Variants in ATG2A observed in about 807,000 individuals in gnomAD.
The protein encoded by ATG2A is autophagy-related protein 2 homolog A.
ATG2A carries 103 observed loss-of-function variants against 214.2 expected under a neutral mutation model. That is an observed-to-expected ratio of 0.48 (90% CI 0.41 to 0.57). The LOEUF (loss-of-function observed/expected upper bound fraction) is 0.57. Ranked by LOEUF, ATG2A falls within the 20% of genes least tolerant of loss-of-function variation. The pLI, the probability that ATG2A is intolerant of heterozygous loss-of-function variation, is 0.00. For synonymous variants in ATG2A, 1,160 were observed against 1,142.1 expected (o/e 1.02, Z -0.32); for missense variants, 2,312 against 2,613.2 (o/e 0.88, Z 2.51).
At chr11:64,914,574 C>T (rs1944907942) in intron 1 of ATG2A, 74 bp from the exon 2 acceptor site, 3 of 1,548,018 alleles carry the variant, frequency 1.9e-6, no homozygotes, top group African/African-American at 2.7e-5. Context: ...CTTATCTGGC[C>T]ATAGTGCCTT....
rs1164506409 is a variant in ATG2A at position 64,896,806 on chromosome 11, C to G, written c.5214G>C (p.Lys1738Asn). The stretch of plus-strand genomic sequence containing the variant: ...CTCCCAGCAGGCCGGGCAGCTGGTT[C>G]TTGCGGATGTCCTGCAGCCACTCGT... ...ALNEWLQDIR[K>N]NQLPGLLGGV... Residue 1738 changes from lysine (K) to asparagine (N), a missense_variant, in exon 38 of 41, where the codon AAG (lysine) becomes AAC (asparagine). Lys to Asn is a moderately conservative substitution (Grantham distance 94). Transcript: ENST00000377264. 6 of 1,614,184 alleles carry G rather than the reference C, an allele frequency of 3.7e-6. No homozygotes were observed. Among genetic ancestry groups the G allele is most frequent in the Non-Finnish European group, 5.1e-6 (6 of 1,180,040 alleles).
Position 64,902,679 on chromosome 11 carries a change from C to T in ATG2A, c.3614G>A (p.Ser1205Asn). 1 of 1,606,540 alleles carries T rather than the reference C, an allele frequency of 6.2e-7. No individual in the cohort carries two copies. Among genetic ancestry groups the T allele is most frequent in the Non-Finnish European group, 8.5e-7 (1 of 1,177,356 alleles). The change falls in exon 27 of 41, where the codon AGC (serine) becomes AAC (asparagine). Residue 1205 changes from serine (S) to asparagine (N), a missense_variant and splice_region_variant. Ser to Asn is a conservative substitution (Grantham distance 46). Coordinates refer to ENST00000377264, the MANE Select transcript of ATG2A (RefSeq NM_015104.3). ...TWKGSTEGKL[S>N]QPLFELRCSN... is the part of the protein sequence containing the mutation. ...GCAGCGCAGCTCGAATAGTGGCTGG[C>T]TCTGCAGGGGCGGGGTGGGGGGAGC... is the stretch of plus-strand genomic sequence containing the variant.
chr11:64,908,026 T>G, intron 16 of ATG2A, 136 bp from the exon 17 acceptor site: 1 of 1,061,532 alleles, frequency 9.4e-7, no homozygotes, highest in African/African-American at 1.6e-5. Context: ...TGGGGATGCA[T>G]GATAGCCGTA....
chr11:64,912,529 A>C (rs1944815967), intron 6 of ATG2A, 106 bp from the exon 7 acceptor site: 11 of 933,690 alleles, frequency 1.2e-5, no homozygotes, highest in South Asian at 5.2e-5. Context: ...CTGGCTACCA[A>C]ACTAAACTCT....
rs1255448408 is a variant in ATG2A, at chr11:64,912,228, T to C, written c.944A>G (p.Lys315Arg). 1.2e-6 allele frequency: 2 copies of C among 1,613,240 alleles called. No individual in the cohort carries two copies. Among genetic ancestry groups the C allele is most frequent in the Admixed American group, 1.7e-5 (1 of 59,976 alleles). ...SLTDHEGLAD[K>R]LNKSRPLGAE... is the part of the protein sequence containing the mutation. ...ACCTAGCGGGCGGCTCTTGTTCAGC[T>C]TGTCAGCCAGGCCCTCGTGGTCTGC... Residue 315 changes from lysine to arginine, a missense_variant, in exon 8 of 41, where the codon AAG becomes AGG. Physicochemically the swap from Lys to Arg is conservative, Grantham distance 26. Coordinates refer to ENST00000377264, the MANE Select transcript of ATG2A (RefSeq NM_015104.3).
At chr11:64,909,977 C>T in intron 13 of ATG2A, 53 bp from the exon 14 acceptor site, 1 of 1,570,164 alleles carries the variant, frequency 6.4e-7, no homozygotes, top group Non-Finnish European at 8.6e-7. Flanking sequence ...CCACTGTGAC[C>T]AAGAGCCGAA....
In ATG2A at chr11:64,910,857, C is replaced by T. The variant is rs565394394; in HGVS notation, c.1564G>A (p.Val522Met). The change falls in exon 11 of 41, where the codon GTG becomes ATG. Residue 522 changes from valine to methionine, a missense_variant. Physicochemically the swap from Val to Met is conservative, Grantham distance 21. Transcript: ENST00000377264. ...SMEVHFGQLEVLECLWPRGTS... is the reference protein window; with the variant it reads ...SMEVHFGQLEMLECLWPRGTS... ...CCCCGGGGCCACAGACACTCCAGCA[C>T]CTCCAGCTGCCCGAAGTGCACTTCC... 7 of 1,608,720 alleles carry T rather than the reference C, an allele frequency of 4.4e-6. No homozygotes were observed. The highest frequency in any genetic ancestry group is 2.5e-6 in the Non-Finnish European group (3 of 1,178,136).
Position 64,907,346 on chromosome 11 carries a change from G to A in ATG2A, c.2741C>T (p.Ala914Val). 6.4e-7 allele frequency: 1 copy of A among 1,555,504 alleles called. No individual in the cohort carries two copies. The highest frequency in any genetic ancestry group is 8.7e-7 in the Non-Finnish European group (1 of 1,149,606). Residue 914 changes from alanine to valine, a missense_variant, in exon 19 of 41, where the codon GCC (alanine) becomes GTC (valine). Transcript: ENST00000377264. Reference sequence around the variant, plus strand: ...CAAGTGAAGACTTGGGGCCTCAGGGGCAGCGGCCTGTGGGCCACCTGATGC... The same window carrying A: ...CAAGTGAAGACTTGGGGCCTCAGGGACAGCGGCCTGTGGGCCACCTGATGC... ...VGASGGPQAAAPEAPSLHLQS... is the reference protein window; with the variant it reads ...VGASGGPQAAVPEAPSLHLQS...
In ATG2A at chr11:64,907,371, C is replaced by A; in HGVS notation, c.2716G>T (p.Ala906Ser). The part of the protein sequence containing the change: ...DEDAHFFSVG[A>S]SGGPQAAAPE... Reference sequence around the variant, plus strand: ...GCAGCGGCCTGTGGGCCACCTGATGCCCCCACTGAGAAGAAGTGGGCATCC... The same window carrying A: ...GCAGCGGCCTGTGGGCCACCTGATGACCCCACTGAGAAGAAGTGGGCATCC... The change falls in exon 19 of 41, where the codon GCA (alanine) becomes TCA (serine). Residue 906 changes from alanine (A) to serine (S), a missense_variant. Physicochemically the swap from Ala to Ser is moderately conservative, Grantham distance 99. Coordinates refer to ENST00000377264, the MANE Select transcript of ATG2A (RefSeq NM_015104.3). 3 of 1,562,602 alleles carry A rather than the reference C, an allele frequency of 1.9e-6. No homozygotes were observed. Among genetic ancestry groups the A allele is most frequent in the Non-Finnish European group, 2.6e-6 (3 of 1,153,758 alleles).
Position 64,910,601 on chromosome 11 carries a change from GA to G in ATG2A, c.1707+14del. ...GCCATGGGGACAGCCTGGTGGCCTG[GA>G]GCGGGTGGGTTACCTTAGGCACACG... On this transcript the variant is annotated intron_variant, in intron 12 of 40. Transcript: ENST00000377264. The G allele has an allele frequency of 6.3e-7, 1 of 1,585,766 alleles. No homozygotes were observed.
rs756185517 is a variant in ATG2A, at chr11:64,897,901, C to T, written c.4932G>A (p.Ser1644=). ...GQAEGVETTG[S]QEAPGGGHSP... ...TGTGTCCACCTCCTGGGGCCTCCTG[C>T]GAACCAGTGGTCTCTACGCCTTCGG... Residue 1644 remains serine, a synonymous_variant, in exon 35 of 41, where the codon TCG becomes TCA. Transcript: ENST00000377264. 1.3e-5 allele frequency: 21 copies of T among 1,565,688 alleles called. No homozygotes were observed. Among genetic ancestry groups the T allele is most frequent in the East Asian group, 6.7e-5 (3 of 44,504 alleles).
chr11:64,908,893 G>A (rs902941725), intron 16 of ATG2A, 98 bp downstream of exon 16: 18 of 1,417,476 alleles, frequency 1.3e-5, no homozygotes, highest in South Asian at 2.6e-5. Flanking sequence ...CCAGGTGGTC[G>A]TGCTGCCCTG....
At position 64,901,813 on chromosome 11, in the gene ATG2A, A is replaced by C. The variant is rs1397003311; in HGVS notation, c.4119+149T>G. ...CTCCCTAGGGTGGCACAGACCTAGCACCACCCCCGAGGTGATGGCAACCAC... is the reference window on the plus strand; with the variant it reads ...CTCCCTAGGGTGGCACAGACCTAGCCCCACCCCCGAGGTGATGGCAACCAC... On this transcript the variant is annotated intron_variant, in intron 29 of 40. Coordinates refer to ENST00000377264, the MANE Select transcript of ATG2A (RefSeq NM_015104.3). 7 of 855,758 alleles carry C rather than the reference A, an allele frequency of 8.2e-6. No homozygotes were observed. Among genetic ancestry groups the C allele is most frequent in the Admixed American group, 6.7e-5 (3 of 44,926 alleles). 53.0% of individuals were successfully genotyped at this position (855,758 alleles called of 1,614,324 possible).
At position 64,909,893 on chromosome 11, in the gene ATG2A, G is replaced by A. The variant is rs367636075; in HGVS notation, c.1895C>T (p.Thr632Met). ...CCGGGGTGCAGAGAGCCGAAATACC[G>A]TCTGCTGCTCCATCGCCGGCAGGGG... ...TEPLPAMEQQ[T>M]VFRLSAPRAT... The change falls in exon 14 of 41, where the codon ACG becomes ATG. Residue 632 changes from threonine (T) to methionine (M), a missense_variant. By Grantham distance (81) the Thr-to-Met change is moderately conservative. Coordinates refer to ENST00000377264, the MANE Select transcript of ATG2A (RefSeq NM_015104.3). 9.8e-5 allele frequency: 158 copies of A among 1,606,402 alleles called. No individual in the cohort carries two copies. Among genetic ancestry groups the A allele is most frequent in the Middle Eastern group, 1.6e-4 (1 of 6,072 alleles).
rs1176128409 is a variant in ATG2A at position 64,898,149 on chromosome 11, C to T, written c.4795G>A (p.Asp1599Asn). The T allele has an allele frequency of 1.2e-6, 2 of 1,614,082 alleles. No homozygotes were observed. Among genetic ancestry groups the T allele is most frequent in the Non-Finnish European group, 8.5e-7 (1 of 1,180,010 alleles). ...VDQDALFFLK[D>N]FFTSLVAGIN... ...CCGGCCACCAGACTAGTGAAGAAGT[C>T]CTTGAGGAAGAAGAGGGCATCCTGC... Residue 1599 changes from aspartate to asparagine, a missense_variant, in exon 34 of 41, where the codon GAC becomes AAC. Transcript: ENST00000377264. This position sits in a 1 kb window ranked among gnomAD's most constrained non-coding sequence, Gnocchi z 4.5.
chr11:64,902,022 A>G lies in ATG2A; in HGVS notation c.4059T>C (p.Asp1353=), dbSNP rs1166157259. The change falls in exon 29 of 41, where the codon GAT becomes GAC. Residue 1353 remains aspartate, a synonymous_variant. Transcript: ENST00000377264. ...EKEDEREEEG[D]GDTLDSDEFC... ...ACTCATCACTGTCCAGGGTGTCTCC[A>G]TCGCCCTCCTCTTCCCTTTCATCTT... is the stretch of plus-strand genomic sequence containing the variant. 6.2e-7 allele frequency: 1 copy of G among 1,613,878 alleles called. No homozygotes were observed. The highest frequency in any genetic ancestry group is 1.1e-5 in the South Asian group (1 of 91,086).
In ATG2A at chr11:64,905,635, C is replaced by T. The variant is rs372022314; in HGVS notation, c.3392G>A (p.Arg1131His). 5.6e-6 allele frequency: 9 copies of T among 1,613,654 alleles called. No homozygotes were observed. Among genetic ancestry groups the T allele is most frequent in the Middle Eastern group, 1.6e-4 (1 of 6,078 alleles). ...GAAGGTCTCCGCGGTGATGAGGACA[C>T]GCACTGGGAGGTAGAGTGGCCTGGG... ...VDYRPLYLPV[R>H]VLITAETFTL... The change falls in exon 24 of 41, where the codon CGT becomes CAT. Residue 1131 changes from arginine (R) to histidine (H), a missense_variant. Arg to His is a conservative substitution (Grantham distance 29). Coordinates refer to ENST00000377264, the MANE Select transcript of ATG2A (RefSeq NM_015104.3).
chr11:64,909,748 T>C lies in ATG2A; in HGVS notation c.2040A>G (p.Ser680=), dbSNP rs1313516653. The C allele has an allele frequency of 1.2e-6, 2 of 1,613,054 alleles. No individual in the cohort carries two copies. Among genetic ancestry groups the C allele is most frequent in the Admixed American group, 3.3e-5 (2 of 60,024 alleles). ...GGGGACCAGGCCCACTGCTAAGCTC[T>C]GACCGGAACTGGGGCTCACTCAGCT... is the stretch of plus-strand genomic sequence containing the variant. ...RLELSEPQFR[S]ELSSGPGPPV... The change falls in exon 14 of 41, where the codon TCA becomes TCG. Residue 680 remains serine, a synonymous_variant. Transcript: ENST00000377264.
At chr11:64,916,817 G>A in intron 1 of ATG2A, 148 bp downstream of exon 1, 9 of 1,038,374 alleles carry the variant, frequency 8.7e-6, no homozygotes, top group Non-Finnish European at 1.2e-5. Context: ...AGGCCAGCCG[G>A]GGTGCCTCTG....
Sources: allele counts gnomAD v4.1 joint callset, GRCh38; gene constraint gnomAD v4.1.1; non-coding constraint Gnocchi (gnomAD v3.1); transcripts MANE v1.5; gene names NCBI Gene and HGNC (gene_info 2026-07-23, HGNC 2026-07-21).